HTR3B: variants seen among roughly 807,000 people sequenced by gnomAD.
HTR3B encodes 5-hydroxytryptamine receptor 3B, also known as 5-hydroxytryptamine (serotonin) receptor 3B, ionotropic.
A neutral mutation model predicts 42.8 loss-of-function variants in HTR3B; 44 were observed. The observed-to-expected ratio is 1.03, with a 90% confidence interval of 0.81 to 1.32. The LOEUF is 1.32. HTR3B is among the 40% of genes most tolerant of loss of function. The probability of loss-of-function intolerance (pLI) is 0.00; values close to 1 mark genes in which losing one functional copy is unlikely to be tolerated. For missense variants in HTR3B, 527 were observed against 536.5 expected (o/e 0.98, Z 0.17); for synonymous variants, 203 against 209.0 (o/e 0.97, Z 0.25).
chr11:113,914,043 A>ATTT (rs1281341103), intron 2 of HTR3B, among the ~76,000 whole-genome samples: 1 of 140,614 alleles, frequency 7.1e-6, no homozygotes, highest in African/African-American at 2.5e-5. Context: ...TGAAAAATAT[A>ATTT]TTTTTTTTTT....
chr11:113,934,168 T>C (rs1209748478), intron 6 of HTR3B, among the ~76,000 whole-genome samples: 1 of 152,088 alleles, frequency 6.6e-6, no homozygotes, highest in Non-Finnish European at 1.5e-5. Context: ...AGGCAGATCA[T>C]TTGAGGTCAG....
chr11:113,945,411 A>G (rs1950169063), intron 8 of HTR3B, among the ~76,000 whole-genome samples: 1 of 152,206 alleles, frequency 6.6e-6, no homozygotes, highest in African/African-American at 2.4e-5. Flanking sequence ...CTGGGATTAC[A>G]GGTGTGAGCC....
chr11:113,919,830 AAACAACAACAACAACAAC>A (rs149081128), intron 2 of HTR3B, among the ~76,000 whole-genome samples: 3 of 148,936 alleles, frequency 2.0e-5, no homozygotes, highest in East Asian at 2.0e-4. Context: ...CTCCATCTCA[AAACAACAACAACAACAAC>A]AACAACAACA....
chr11:113,930,449 T>A (rs551094962), intron 2 of HTR3B, among the ~76,000 whole-genome samples: 3 of 151,134 alleles, frequency 2.0e-5, no homozygotes, highest in South Asian at 2.1e-4. Context: ...AGATTAGATA[T>A]GAAAAAAATT....
At chr11:113,942,870 A>G in intron 6 of HTR3B, 112 bp from the exon 7 acceptor site, 1 of 831,078 alleles carries the variant, frequency 1.2e-6, no homozygotes, top group Middle Eastern at 2.5e-4. Context: ...CAGATTTTTC[A>G]CATTATGCAA....
intron 2 of HTR3B, among the ~76,000 whole-genome samples, chr11:113,914,771 A>T (rs1949835179): frequency 6.6e-6 from 1 of 152,274 alleles, no homozygotes; most frequent in East Asian, 1.9e-4. Flanking sequence ...ATAAAACAGA[A>T]TTGTTGAGAA....
chr11:113,931,508 G>A, intron 3 of HTR3B, 80 bp downstream of exon 3: 1 of 891,216 alleles, frequency 1.1e-6, no homozygotes, highest in Non-Finnish European at 1.8e-6. Flanking sequence ...TAAGAAATAG[G>A]TATTATCTTT....
Position 113,945,981 on chromosome 11 carries a change from C to T in HTR3B, c.1170C>T (p.Asn390=). 6.2e-7 allele frequency: 1 copy of T among 1,614,164 alleles called. No individual in the cohort carries two copies. Among genetic ancestry groups the T allele is most frequent in the South Asian group, 1.1e-5 (1 of 91,084 alleles). Residue 390 remains asparagine, a synonymous_variant, in exon 9 of 9, where the codon AAC becomes AAT. Transcript: ENST00000260191. ...GGTCGCAGCTTCAATCTATCAGCAA[C>T]TACCTCCAAACTCAGGACCAGACAG... ...EVWSQLQSIS[N]YLQTQDQTDQ... is the part of the protein sequence containing the mutation.
At chr11:113,937,245 A>G (rs1330051974) in intron 6 of HTR3B, among the ~76,000 whole-genome samples, 1 of 152,202 alleles carries the variant, frequency 6.6e-6, no homozygotes, top group East Asian at 1.9e-4. Context: ...TGATCTGCAG[A>G]GAGGTCGCCC....
Position 113,948,360 on chromosome 11 carries a change from C to T in HTR3B, c.*2223C>T, listed in dbSNP as rs1479828596. ...CTCACTGTGGGGTCTCTCTCCTTCC[C>T]AACTATGTCTTAGAGAAAGCACCAG... On this transcript the variant is annotated 3_prime_UTR_variant, in exon 9 of 9. Transcript: ENST00000260191. 1.3e-5 allele frequency among the ~76,000 whole-genome samples: 2 copies of T among 152,148 alleles called. No homozygotes were observed. Among genetic ancestry groups the T allele is most frequent in the African/African-American group, 4.8e-5 (2 of 41,430 alleles).
intron 6 of HTR3B, among the ~76,000 whole-genome samples, chr11:113,941,899 G>A (rs577437422): frequency 6.6e-6 from 1 of 152,230 alleles, no homozygotes; most frequent in Admixed American, 6.5e-5. Flanking sequence ...AAAAGCCCAG[G>A]GGTCTGCCCG....
chr11:113,945,174 G>A lies in HTR3B; in HGVS notation c.1090+419G>A, dbSNP rs1056255423. On this transcript the variant is annotated intron_variant, in intron 8 of 8. Transcript: ENST00000260191. ...TGTTTTGACAGAATCTCGCTCTGTC[G>A]CCCAGGCTTGACTGCAGTGGCACAA... Among the ~76,000 whole-genome samples the A allele has an allele frequency of 2.0e-4, 31 of 152,196 alleles. 2 individuals are homozygous for A. Among genetic ancestry groups the A allele is most frequent in the Middle Eastern group, 3.4e-3 (1 of 294 alleles).
At chr11:113,935,428 G>A (rs1459297281) in intron 6 of HTR3B, among the ~76,000 whole-genome samples, 1 of 124,836 alleles carries the variant, frequency 8.0e-6, no homozygotes, top group African/African-American at 2.6e-5. Context: ...CAGGAGCAGA[G>A]TAGGGAGAGA....
intron 2 of HTR3B, among the ~76,000 whole-genome samples, chr11:113,927,573 T>G (rs1222497812): frequency 6.6e-6 from 1 of 152,084 alleles, no homozygotes; most frequent in African/African-American, 2.4e-5. Context: ...CTTTCCTTTT[T>G]TTTTTTTGAG....
At position 113,942,994 on chromosome 11, in the gene HTR3B, A is replaced by G. The variant is rs540079693; in HGVS notation, c.709A>G (p.Arg237Gly). The stretch of plus-strand genomic sequence containing the variant: ...TGTTCCCGGCCAGGTGGTGATGCGC[A>G]GGCACCCCCTGGTCTATGTCGTGAG... ...AQIQFNVVMRRHPLVYVVSLL... is the reference protein window; with the variant it reads ...AQIQFNVVMRGHPLVYVVSLL... Residue 237 changes from arginine (R) to glycine (G), a missense_variant, in exon 7 of 9, where the codon AGG becomes GGG. Arg to Gly is a moderately radical substitution (Grantham distance 125). Coordinates refer to ENST00000260191, the MANE Select transcript of HTR3B (RefSeq NM_006028.5). 1.5e-4 allele frequency: 248 copies of G among 1,613,948 alleles called. No homozygotes were observed. The highest frequency in any genetic ancestry group is 1.1e-3 in the Admixed American group (66 of 60,006).
chr11:113,932,930 T>G lies in HTR3B; in HGVS notation c.539-6T>G. The G allele has an allele frequency of 6.2e-7, 1 of 1,613,144 alleles. No individual in the cohort carries two copies. The highest frequency in any genetic ancestry group is 8.5e-7 in the Non-Finnish European group (1 of 1,179,630). ...TGGGAAAGTCAATTGTTTGTGTTGT[T>G]TGCAGTGGAAGACGTAGACCTGGCC... On this transcript the variant is annotated splice_polypyrimidine_tract_variant and splice_region_variant and intron_variant, in intron 5 of 8. Transcript: ENST00000260191.
intron 6 of HTR3B, 118 bp downstream of exon 6, chr11:113,933,211 G>T: frequency 2.1e-6 from 2 of 969,408 alleles, no homozygotes. Context: ...CCAAGAACAG[G>T]GACTTCAGCG....
chr11:113,917,035 A>G (rs1949861098), intron 2 of HTR3B, among the ~76,000 whole-genome samples: 1 of 151,868 alleles, frequency 6.6e-6, no homozygotes, highest in South Asian at 2.1e-4. Flanking sequence ...GTGTCTTGTT[A>G]CCCTGACTAG....
At chr11:113,927,848 C>T (rs1412844008) in intron 2 of HTR3B, among the ~76,000 whole-genome samples, 7 of 152,058 alleles carry the variant, frequency 4.6e-5, no homozygotes, top group East Asian at 1.9e-4. Flanking sequence ...TGTGAGCCAC[C>T]GCACCCGGCC....
Sources: gnomAD v4.1 joint callset for allele counts (sites outside exome capture counted in the v4.1 genomes callset) on GRCh38, gnomAD v4.1.1 for gene constraint, MANE v1.5 for transcripts, NCBI Gene and HGNC (gene_info 2026-07-23, HGNC 2026-07-21) for gene names.